Variants in DNAAF11 observed in about 807,000 individuals in gnomAD.
DNAAF11 encodes the protein dynein axonemal assembly factor 11, also known as leucine rich repeat containing 6.
DNAAF11 carries 45 observed loss-of-function variants against 60.8 expected under a neutral mutation model. That is an observed-to-expected ratio of 0.74 (90% CI 0.58 to 0.95). The LOEUF (loss-of-function observed/expected upper bound fraction) is 0.95. DNAAF11 is among the 40% of genes least tolerant of loss of function. The pLI, the probability that DNAAF11 is intolerant of heterozygous loss-of-function variation, is 0.00. For synonymous variants in DNAAF11, 191 were observed against 183.5 expected, an observed-to-expected ratio of 1.04 and a Z score of -0.33; for missense variants, 546 against 546.2, an observed-to-expected ratio of 1.00 and a Z score of 0.00.
At chr8:132,699,980 T>C in the DNAAF11 span, among the ~76,000 whole-genome samples, 1 of 152,144 alleles carries the variant, frequency 6.6e-6, no homozygotes, top group African/African-American at 2.4e-5. Context: ...CAGGATTTTC[T>C]CTTCAGGTTA....
At chr8:132,598,764 C>T (rs1023351762) in intron 10 of DNAAF11, among the ~76,000 whole-genome samples, 2 of 152,198 alleles carry the variant, frequency 1.3e-5, no homozygotes, top group African/African-American at 4.8e-5. Context: ...CTGTGGGACA[C>T]ATTTAAAGCA....
intron 5 of DNAAF11, among the ~76,000 whole-genome samples, chr8:132,629,669 C>T (rs544700399): frequency 6.6e-6 from 1 of 152,176 alleles, no homozygotes; most frequent in South Asian, 2.1e-4. Context: ...CTTAACGCTA[C>T]TATTCCACTC....
chr8:132,599,320 T>C (rs577011457), intron 10 of DNAAF11, among the ~76,000 whole-genome samples: 35 of 152,146 alleles, frequency 2.3e-4, no homozygotes, highest in Non-Finnish European at 4.6e-4. Flanking sequence ...ACCAGAAAGA[T>C]TCACAGCCAA....
intron 8 of DNAAF11, among the ~76,000 whole-genome samples, chr8:132,612,637 C>T (rs766014646): frequency 2.0e-5 from 3 of 152,014 alleles, no homozygotes; most frequent in Non-Finnish European, 2.9e-5. Flanking sequence ...TGCCCTCCCC[C>T]ACAGGGCTCT....
At chr8:132,669,854 T>A (rs929363000) in intron 1 of DNAAF11, among the ~76,000 whole-genome samples, 1 of 146,584 alleles carries the variant, frequency 6.8e-6, no homozygotes, top group Non-Finnish European at 1.5e-5. Context: ...GGCAGGAGAA[T>A]GGCGTGAACC....
the DNAAF11 span, among the ~76,000 whole-genome samples, chr8:132,690,449 C>T: frequency 6.6e-6 from 1 of 152,172 alleles, no homozygotes; most frequent in African/African-American, 2.4e-5. Flanking sequence ...CCTACCCTTG[C>T]CGAACAGTGA....
chr8:132,603,370 C>T (rs1817823448), intron 10 of DNAAF11, among the ~76,000 whole-genome samples: 1 of 152,068 alleles, frequency 6.6e-6, no homozygotes, highest in Non-Finnish European at 1.5e-5. Flanking sequence ...TAAGAAACAA[C>T]CAGCAATGAA....
At chr8:132,691,926 T>A in the DNAAF11 span, among the ~76,000 whole-genome samples, 3 of 152,172 alleles carry the variant, frequency 2.0e-5, no homozygotes, top group Non-Finnish European at 2.9e-5. Flanking sequence ...ACGTGGGAGA[T>A]GCAGCCGCCT....
rs1482117844 is a variant in DNAAF11 at position 132,571,532 on chromosome 8, T to G, written c.*774A>C. Among the ~76,000 whole-genome samples, 2 of 149,052 alleles carry G rather than the reference T, an allele frequency of 1.3e-5. No homozygotes were observed. The highest frequency in any genetic ancestry group is 6.7e-5 in the Admixed American group (1 of 14,978). ...AAAAAGAATAAGGGGAGAAAAGTAATTGGGGAGGGAGGGGAAGAAGGAGCA... is the reference window on the plus strand; with the variant it reads ...AAAAAGAATAAGGGGAGAAAAGTAAGTGGGGAGGGAGGGGAAGAAGGAGCA... On this transcript the variant is annotated 3_prime_UTR_variant, in exon 12 of 12. Transcript: ENST00000620350.
chr8:132,691,035 T>C, the DNAAF11 span, among the ~76,000 whole-genome samples: 1 of 150,960 alleles, frequency 6.6e-6, no homozygotes, highest in Non-Finnish European at 1.5e-5. Context: ...CTATATTCTT[T>C]GGAAGAAAGT....
intron 10 of DNAAF11, among the ~76,000 whole-genome samples, chr8:132,599,170 C>A (rs1817331815): frequency 1.3e-5 from 2 of 152,150 alleles, no homozygotes; most frequent in Non-Finnish European, 2.9e-5. Flanking sequence ...ACTAGAAAAT[C>A]TAGAAGAAAT....
intron 7 of DNAAF11, among the ~76,000 whole-genome samples, chr8:132,616,795 T>C (rs1819207075): frequency 6.6e-6 from 1 of 152,178 alleles, no homozygotes; most frequent in Non-Finnish European, 1.5e-5. Context: ...TATACTTCTA[T>C]AGAAGGGCAC....
intron 11 of DNAAF11, among the ~76,000 whole-genome samples, chr8:132,575,997 T>G (rs992523029): frequency 6.6e-6 from 1 of 152,222 alleles, no homozygotes; most frequent in South Asian, 2.1e-4. Context: ...TCTTGGGAAC[T>G]GGGGTACCTC....
At chr8:132,694,170 T>C in the DNAAF11 span, among the ~76,000 whole-genome samples, 1 of 152,148 alleles carries the variant, frequency 6.6e-6, no homozygotes, top group African/African-American at 2.4e-5. Flanking sequence ...AACTGAAGGA[T>C]CCTGTGCATC....
In DNAAF11 at chr8:132,657,295, G is replaced by A. The variant is rs1044300556; in HGVS notation, c.179-388C>T. ...ATACAGGAGAGGACATGCACACCCA[G>A]TCCTCCTAATCAGATAAAAGGGAAG... On this transcript the variant is annotated intron_variant, in intron 2 of 11. Coordinates refer to ENST00000620350, the MANE Select transcript of DNAAF11 (RefSeq NM_012472.6). 4.6e-5 allele frequency among the ~76,000 whole-genome samples: 7 copies of A among 152,166 alleles called. 1 individual carries two copies. Among genetic ancestry groups the A allele is most frequent in the Non-Finnish European group, 1.0e-4 (7 of 68,032 alleles).
chr8:132,619,618 T>C (rs1269033708), intron 7 of DNAAF11, among the ~76,000 whole-genome samples: 4 of 152,174 alleles, frequency 2.6e-5, no homozygotes, highest in Non-Finnish European at 5.9e-5. Context: ...AATATGAAGT[T>C]AGAAACTGGA....
chr8:132,630,268 T>C (rs1820668812), intron 5 of DNAAF11, among the ~76,000 whole-genome samples: 1 of 152,210 alleles, frequency 6.6e-6, no homozygotes, highest in Non-Finnish European at 1.5e-5. Flanking sequence ...CAGGCAGATG[T>C]ACTCCTATGG....
At chr8:132,634,948 T>C (rs1020293338) in intron 4 of DNAAF11, among the ~76,000 whole-genome samples, 5 of 152,178 alleles carry the variant, frequency 3.3e-5, no homozygotes, top group East Asian at 3.9e-4. Flanking sequence ...AATTGATTGA[T>C]TGATTGATTG....
At chr8:132,648,499 G>C (rs1411331603) in intron 3 of DNAAF11, among the ~76,000 whole-genome samples, 1 of 152,198 alleles carries the variant, frequency 6.6e-6, no homozygotes, top group Non-Finnish European at 1.5e-5. Flanking sequence ...AGTGTTAGAA[G>C]TTCTGGCCAG....
Sources: gnomAD v4.1 joint callset for allele counts (sites outside exome capture counted in the v4.1 genomes callset) on GRCh38, gnomAD v4.1.1 for gene constraint, MANE v1.5 for transcripts, NCBI Gene and HGNC (gene_info 2026-07-23, HGNC 2026-07-21) for gene names.